KIF3B: variants seen among roughly 807,000 people sequenced by gnomAD.
KIF3B encodes kinesin family member 3B.
In KIF3B, 38 loss-of-function variants were observed where a neutral mutation model predicts 74.3. The observed-to-expected ratio is 0.51, with a 90% CI of 0.39 to 0.67. The LOEUF (loss-of-function observed/expected upper bound fraction) is 0.67. Ranked by LOEUF, KIF3B falls within the 30% of genes least tolerant of loss-of-function variation. The pLI, the probability that KIF3B is intolerant of heterozygous loss-of-function variation, is 0.00. For synonymous variants in KIF3B, 326 were observed against 342.5 expected, an observed-to-expected ratio of 0.95 and a Z score of 0.53; for missense variants, 649 against 932.0, an observed-to-expected ratio of 0.70 and a Z score of 3.95.
rs1293257861 is a variant in KIF3B at position 32,334,339 on chromosome 20, G to T, written c.*3020G>T. The T allele has an allele frequency of 6.6e-6, 1 of 152,644 alleles. No homozygotes were observed. Among genetic ancestry groups the T allele is most frequent in the Non-Finnish European group, 1.5e-5 (1 of 68,092 alleles). The allele number at this position is 152,644 out of a possible 1,614,324, so 9.5% of individuals were successfully genotyped here. A position where few individuals can be genotyped will look rare whatever the true frequency, so the allele number is the denominator to read the frequency against. On this transcript the variant is annotated 3_prime_UTR_variant, in exon 9 of 9. Coordinates refer to ENST00000375712, the MANE Select transcript of KIF3B (RefSeq NM_004798.4). ...CTGGATTATTTCCCGTCCAATGCCT[G>T]CATGCTGCTTGAATTGCTCCACCCA...
At chr20:32,330,472 T>A (rs1387527533) in intron 8 of KIF3B, among the ~76,000 whole-genome samples, 153 bp downstream of exon 8, 1 of 152,180 alleles carries the variant, frequency 6.6e-6, no homozygotes, top group African/African-American at 2.4e-5. Context: ...TCTACAAATA[T>A]TTATGGTTGA....
In KIF3B at chr20:32,310,599, T is replaced by C; in HGVS notation, c.822T>C (p.Ala274=). 8 of 1,614,092 alleles carry C rather than the reference T, an allele frequency of 5.0e-6. No individual in the cohort carries two copies. In the African/African-American group the frequency reaches 8.0e-5, roughly 16 times the overall value. ...CCAAGATCAACCTCTCCCTTTCCGC[T>C]TTGGGTAATGTCATCTCTGCTCTAG... is the stretch of plus-strand genomic sequence containing the variant. ...EATKINLSLS[A]LGNVISALVD... Residue 274 remains alanine, a synonymous_variant, in exon 2 of 9, where the codon GCT becomes GCC. Transcript: ENST00000375712. This position sits in a 1 kb window ranked among gnomAD's most constrained non-coding sequence, Gnocchi z 6.5.
chr20:32,288,346 C>T (rs1390930401), intron 1 of KIF3B, among the ~76,000 whole-genome samples: 2 of 151,968 alleles, frequency 1.3e-5, no homozygotes, highest in African/African-American at 2.4e-5. Context: ...AAAATTTACC[C>T]GGGTGCAGTG....
At chr20:32,280,746 A>C (rs2047639382) in intron 1 of KIF3B, among the ~76,000 whole-genome samples, 1 of 150,984 alleles carries the variant, frequency 6.6e-6, no homozygotes, top group African/African-American at 2.4e-5. Context: ...AAAAAGAAAG[A>C]AAGATGAAAG....
Position 32,327,475 on chromosome 20 carries a change from G to C in KIF3B, c.1863-81G>C, listed in dbSNP as rs947089688. 5 of 1,119,018 alleles carry C rather than the reference G, an allele frequency of 4.5e-6. No homozygotes were observed. The African/African-American group carries it at 6.2e-5, about 14-fold the overall frequency. The allele number at this position is 1,119,018 out of a possible 1,614,324, so 69.3% of individuals were successfully genotyped here. A position where few individuals can be genotyped will look rare whatever the true frequency, so the allele number is the denominator to read the frequency against. ...CAGCCTGCAGTCCAGGGAGTTACTT[G>C]CTTCAGGTTCTGTCAGTGTCTTCCG... is the stretch of plus-strand genomic sequence containing the variant. On this transcript the variant is annotated intron_variant, in intron 6 of 8. Transcript: ENST00000375712.
chr20:32,298,842 G>C, intron 1 of KIF3B, among the ~76,000 whole-genome samples: 1 of 152,046 alleles, frequency 6.6e-6, no homozygotes, highest in Non-Finnish European at 1.5e-5. Context: ...ATTTCTTGTA[G>C]AAATAGGGTC....
At position 32,314,625 on chromosome 20, in the gene KIF3B, A is replaced by C. The variant is rs182332623; in HGVS notation, c.1405-1593A>C. Among the ~76,000 whole-genome samples the C allele has an allele frequency of 2.0e-5, 3 of 152,190 alleles. No homozygotes were observed. In the East Asian group the frequency reaches 5.8e-4, roughly 29 times the overall value. On this transcript the variant is annotated intron_variant, in intron 2 of 8. Transcript: ENST00000375712. ...CAATCTAGTCCAGCCCCTTCATTCG[A>C]GAGGTGAGGAAACAGGCTCAGAGGA...
At chr20:32,330,422 A>G in intron 8 of KIF3B, 103 bp downstream of exon 8, 3 of 1,017,288 alleles carry the variant, frequency 2.9e-6, no homozygotes, top group Non-Finnish European at 4.4e-6. Context: ...AGAACACACT[A>G]GAAAATATTG....
chr20:32,310,313 T>C lies in KIF3B; in HGVS notation c.536T>C (p.Leu179Pro). The C allele has an allele frequency of 6.2e-7, 1 of 1,613,880 alleles. No homozygotes were observed. Among genetic ancestry groups the C allele is most frequent in the Non-Finnish European group, 8.5e-7 (1 of 1,179,834 alleles). The change falls in exon 2 of 9, where the codon CTG (leucine) becomes CCG (proline). Residue 179 changes from leucine to proline, a missense_variant. By Grantham distance (98) the Leu-to-Pro change is moderately conservative. This residue lies in a region of KIF3B where 363 missense variants were observed against 592.8 expected (regional missense o/e 0.61). Coordinates refer to ENST00000375712, the MANE Select transcript of KIF3B (RefSeq NM_004798.4). This position sits in a 1 kb window ranked among gnomAD's most constrained non-coding sequence, Gnocchi z 6.5. ...GACACAGGAGTGTATGTGAAAGACCTGTCTTCCTTTGTCACCAAGAGTGTG... is the reference window on the plus strand; with the variant it reads ...GACACAGGAGTGTATGTGAAAGACCCGTCTTCCTTTGTCACCAAGAGTGTG... ...RPDTGVYVKD[L>P]SSFVTKSVKE...
intron 5 of KIF3B, among the ~76,000 whole-genome samples, chr20:32,320,302 A>G (rs1176343462): frequency 1.3e-5 from 2 of 152,078 alleles, no homozygotes; most frequent in African/African-American, 4.8e-5. Context: ...AACTTTCTTG[A>G]TGGTATTACT....
chr20:32,320,309 T>C (rs1375415820), intron 5 of KIF3B, among the ~76,000 whole-genome samples: 2 of 152,188 alleles, frequency 1.3e-5, no homozygotes, highest in Non-Finnish European at 2.9e-5. Context: ...TTGATGGTAT[T>C]ACTTATAGCA....
At chr20:32,314,789 CTG>C (rs1419926135) in intron 2 of KIF3B, among the ~76,000 whole-genome samples, 2 of 152,148 alleles carry the variant, frequency 1.3e-5, no homozygotes, top group African/African-American at 4.8e-5. Flanking sequence ...GGCTCCCAAT[CTG>C]TATATCTAGC....
At chr20:32,308,594 A>G (rs2047784044) in intron 1 of KIF3B, among the ~76,000 whole-genome samples, 1 of 151,824 alleles carries the variant, frequency 6.6e-6, no homozygotes, top group Non-Finnish European at 1.5e-5. Flanking sequence ...TATTTTTTGT[A>G]GAGACAGGGT....
chr20:32,322,417 C>G (rs889655101), intron 5 of KIF3B, among the ~76,000 whole-genome samples: 5 of 149,914 alleles, frequency 3.3e-5, no homozygotes, highest in Admixed American at 6.8e-5. Flanking sequence ...GAGACCAGCC[C>G]GGCCAACATG....
At chr20:32,282,970 A>C (rs960551086) in intron 1 of KIF3B, among the ~76,000 whole-genome samples, 2 of 152,220 alleles carry the variant, frequency 1.3e-5, no homozygotes, top group South Asian at 4.1e-4. Context: ...AGGGTTGTAC[A>C]TTCAACATTG....
intron 1 of KIF3B, among the ~76,000 whole-genome samples, chr20:32,282,267 A>G (rs1193598992): frequency 6.6e-6 from 1 of 152,042 alleles, no homozygotes; most frequent in Admixed American, 6.6e-5. Context: ...AACCAGCAGG[A>G]TGGCGGGATG....
chr20:32,288,089 G>A (rs571432883), intron 1 of KIF3B, among the ~76,000 whole-genome samples: 3 of 151,826 alleles, frequency 2.0e-5, no homozygotes, highest in African/African-American at 7.2e-5. Flanking sequence ...CACCATGTTG[G>A]TCAGGCTGGT....
chr20:32,309,193 G>T (rs992774548), intron 1 of KIF3B, among the ~76,000 whole-genome samples: 7 of 149,538 alleles, frequency 4.7e-5, no homozygotes, highest in Non-Finnish European at 8.9e-5. Flanking sequence ...ATTGTTGTTG[G>T]TATTTTTTTT....
chr20:32,306,708 T>G (rs1167191141), intron 1 of KIF3B, among the ~76,000 whole-genome samples: 3 of 150,398 alleles, frequency 2.0e-5, no homozygotes, highest in African/African-American at 7.3e-5. Flanking sequence ...AATTCTCCTG[T>G]CTCAGCCTCC....
Sources: allele counts gnomAD v4.1 joint callset (sites outside exome capture counted in the v4.1 genomes callset), GRCh38; gene constraint gnomAD v4.1.1; regional missense constraint gnomAD v4.1.1; non-coding constraint Gnocchi (gnomAD v3.1); transcripts MANE v1.5; gene names NCBI Gene and HGNC (gene_info 2026-07-23, HGNC 2026-07-21).